The following ZNF836 variants were observed in gnomAD, a reference collection of about 807,000 sequenced individuals.
ZNF836 encodes zinc finger protein 836.
ZNF836 carries 12 observed loss-of-function variants against 7.4 expected under a neutral mutation model. That is an observed-to-expected ratio of 1.61 (90% CI 1.03 to 2.61). The LOEUF (loss-of-function observed/expected upper bound fraction) is 2.61, where lower values mean the gene tolerates loss of function less well. Among genes scored for constraint, ZNF836 ranks in the 30% most tolerant of loss-of-function variants. ZNF836 has a pLI of 0.00. For synonymous variants in ZNF836, 365 were observed against 382.6 expected (o/e 0.95, Z 0.54); for missense variants, 998 against 1,126.2 (o/e 0.89, Z 1.63).
chr19:52,171,119 T>A (rs2089304363), intron 1 of ZNF836: 1 of 152,280 alleles, frequency 6.6e-6, no homozygotes, highest in South Asian at 2.1e-4. Flanking sequence ...CTCCAGGGGC[T>A]GACGACGGAG....
chr19:52,161,178 G>T lies in ZNF836; in HGVS notation c.16-587C>A, dbSNP rs961137557. Among the ~76,000 whole-genome samples, 5 of 152,182 alleles carry T rather than the reference G, an allele frequency of 3.3e-5. No individual in the cohort carries two copies. In the East Asian group the frequency reaches 9.6e-4, roughly 29 times the overall value. ...TCACCTAGGTCAACAACCTGAAAATGGCAGAGCAGGCATCTAAATCCAGAT... is the reference window on the plus strand; with the variant it reads ...TCACCTAGGTCAACAACCTGAAAATTGCAGAGCAGGCATCTAAATCCAGAT... On this transcript the variant is annotated intron_variant, in intron 3 of 4. Transcript: ENST00000682614. The surrounding 1 kb of genome is among the most constrained non-coding windows in gnomAD (Gnocchi z 4.1).
In ZNF836 at chr19:52,156,485, TG is replaced by T. The variant is rs766063495; in HGVS notation, c.1197del (p.Asn400ThrfsTer35). 1.2e-6 allele frequency: 2 copies of T among 1,614,032 alleles called. No individual in the cohort carries two copies. Among genetic ancestry groups the T allele is most frequent in the African/African-American group, 2.7e-5 (2 of 74,916 alleles). ...TGAACTGTCTGATGAGTTGCCAGGT[TG>T]GAACTTTGACTAAAGGACTTTCCAC... ...NICGKSFSQS[S>X]NLATHQTVHS... is the part of the protein sequence containing the mutation. On this transcript the variant is annotated frameshift_variant, in exon 5 of 5. Coordinates refer to ENST00000682614, the MANE Select transcript of ZNF836 (RefSeq NM_001102657.3). LOFTEE classifies it low-confidence loss of function (END_TRUNC).
In ZNF836 at chr19:52,155,697, T is replaced by G. The variant is rs748134071; in HGVS notation, c.1986A>C (p.Gly662=). The change falls in exon 5 of 5, where the codon GGA becomes GGC. Residue 662 remains glycine, a synonymous_variant. Transcript: ENST00000682614. ...AATCATTACATTTGTAAGGTTTCTC[T>G]CCGGTATGAATTTTCCGATGACGTG... ...CLARHRKIHT[G]EKPYKCNDCG... 1.6e-5 allele frequency: 26 copies of G among 1,614,032 alleles called. No individual in the cohort carries two copies. The highest frequency in any genetic ancestry group is 1.6e-4 in the Middle Eastern group (1 of 6,084).
At position 52,157,108 on chromosome 19, in the gene ZNF836, G is replaced by GAAA. The variant is rs758490448; in HGVS notation, c.572_574dup (p.Ile191_Ser192insPhe). The GAAA allele has an allele frequency of 6.8e-6, 11 of 1,613,850 alleles. No individual in the cohort carries two copies. Among genetic ancestry groups the GAAA allele is most frequent in the Non-Finnish European group, 9.3e-6 (11 of 1,179,852 alleles). On this transcript the variant is annotated inframe_insertion, in exon 5 of 5. Coordinates refer to ENST00000682614, the MANE Select transcript of ZNF836 (RefSeq NM_001102657.3). The stretch of plus-strand genomic sequence containing the variant: ...CAAAAACTCATTCTCATATTTTTTA[G>GAAA]AAATGTTGGTTTGGACACTAGGAAG...
At chr19:52,160,749 G>C in intron 3 of ZNF836, 158 bp from the exon 4 acceptor site, 1 of 865,752 alleles carries the variant, frequency 1.2e-6, no homozygotes, top group Non-Finnish European at 1.7e-6. Context: ...ATTTAAGTTT[G>C]TTTTAAAATT....
chr19:52,159,417 C>G (rs1444864580), intron 4 of ZNF836, among the ~76,000 whole-genome samples: 1 of 152,276 alleles, frequency 6.6e-6, no homozygotes, highest in East Asian at 1.9e-4. Context: ...AGACATGAAC[C>G]TGGGTTTCCG....
intron 4 of ZNF836, 95 bp downstream of exon 4, chr19:52,160,370 A>C: frequency 6.6e-7 from 1 of 1,504,570 alleles, no homozygotes; most frequent in Non-Finnish European, 9.2e-7. Context: ...CTTCAGTCTC[A>C]GTCAAATAAT....
chr19:52,154,995 GC>G lies in ZNF836; in HGVS notation c.2687del (p.Gly896AlafsTer32). 1.2e-6 allele frequency: 2 copies of G among 1,613,014 alleles called. No individual in the cohort carries two copies. Among genetic ancestry groups the G allele is most frequent in the Non-Finnish European group, 1.7e-6 (2 of 1,179,352 alleles). On this transcript the variant is annotated frameshift_variant, in exon 5 of 5. Transcript: ENST00000682614. LOFTEE classifies it low-confidence loss of function (END_TRUNC). ...GGCCTGAGCGACTAATGAAAGATTT[GC>G]CACACTCATTACATTTATAAGGTTT... ...GEKPYKCNEC[G>X]KSFISRSGLT...
chr19:52,155,701 G>T lies in ZNF836; in HGVS notation c.1982C>A (p.Thr661Asn), dbSNP rs1351938066. The T allele has an allele frequency of 6.2e-7, 1 of 1,614,176 alleles. No homozygotes were observed. The highest frequency in any genetic ancestry group is 1.1e-5 in the South Asian group (1 of 91,084). ...SCLARHRKIH[T>N]GEKPYKCNDC... ...ATTACATTTGTAAGGTTTCTCTCCG[G>T]TATGAATTTTCCGATGACGTGCTAG... The change falls in exon 5 of 5, where the codon ACC (threonine) becomes AAC (asparagine). Residue 661 changes from threonine (T) to asparagine (N), a missense_variant. Transcript: ENST00000682614.
chr19:52,155,584 C>T lies in ZNF836; in HGVS notation c.2099G>A (p.Gly700Glu), dbSNP rs575174249. Residue 700 changes from glycine to glutamate, a missense_variant, in exon 5 of 5, where the codon GGA becomes GAA. Physicochemically the swap from Gly to Glu is moderately conservative, Grantham distance 98. Coordinates refer to ENST00000682614, the MANE Select transcript of ZNF836 (RefSeq NM_001102657.3). ...TTTTGAACTTTGGATAAATGCCCCT[C>T]CAAACTCATTACAATTGTAAGGTTT... ...GEKPYNCNEFGGAFIQSSKLA... is the reference protein window; with the variant it reads ...GEKPYNCNEFEGAFIQSSKLA... 6.2e-7 allele frequency: 1 copy of T among 1,613,968 alleles called. No individual in the cohort carries two copies. Among genetic ancestry groups the T allele is most frequent in the African/African-American group, 1.3e-5 (1 of 75,042 alleles).
Position 52,157,541 on chromosome 19 carries a change from C to G in ZNF836, c.143-1G>C. ...TTGGTCATACATTTAGGAAGGATAC[C>G]TACAAAATATAATGAACATGGGAGT... On this transcript the variant is annotated splice_acceptor_variant, in intron 4 of 4. Transcript: ENST00000682614. LOFTEE classifies it high-confidence loss of function. The G allele has an allele frequency of 6.7e-7, 1 of 1,491,652 alleles. No homozygotes were observed. The highest frequency in any genetic ancestry group is 8.9e-7 in the Non-Finnish European group (1 of 1,125,392). 92.4% of individuals were successfully genotyped at this position (1,491,652 alleles called of 1,614,324 possible).
At chr19:52,170,933 G>GC (rs984675844) in intron 1 of ZNF836, among the ~76,000 whole-genome samples, 1 of 152,190 alleles carries the variant, frequency 6.6e-6, no homozygotes, top group South Asian at 2.1e-4. Context: ...CTCCCCCAAG[G>GC]GGGGGATCGA....
Position 52,157,257 on chromosome 19 carries a change from T to A in ZNF836, c.426A>T (p.Thr142=). The change falls in exon 5 of 5, where the codon ACA becomes ACT. Residue 142 remains threonine, a synonymous_variant. Transcript: ENST00000682614. ...VENKCIENQL[T]LSFQSRLTEL... is the part of the protein sequence containing the mutation. ...CAGTCAGACGTGACTGAAAGCTTAA[T>A]GTAAGCTGATTTTCAATACATTTGT... The A allele has an allele frequency of 6.2e-7, 1 of 1,606,750 alleles. No homozygotes were observed.
In ZNF836 at chr19:52,160,521, T is replaced by C; in HGVS notation, c.86A>G (p.Gln29Arg). Residue 29 changes from glutamine to arginine, a missense_variant, in exon 4 of 5, where the codon CAG becomes CGG. Physicochemically the swap from Gln to Arg is conservative, Grantham distance 43. Coordinates refer to ENST00000682614, the MANE Select transcript of ZNF836 (RefSeq NM_001102657.3). ...CATCACATCCCAGTACAAAGCTTTCTGCACAGGGTCCAGGGATTTCCACTC... is the reference window on the plus strand; with the variant it reads ...CATCACATCCCAGTACAAAGCTTTCCGCACAGGGTCCAGGGATTTCCACTC... ...QEEWKSLDPV[Q>R]KALYWDVMLE... 1.2e-6 allele frequency: 2 copies of C among 1,614,158 alleles called. No homozygotes were observed. The highest frequency in any genetic ancestry group is 2.2e-5 in the East Asian group (1 of 44,868).
chr19:52,155,494 G>A lies in ZNF836; in HGVS notation c.2189C>T (p.Thr730Ile), dbSNP rs1384302380. The A allele has an allele frequency of 1.2e-6, 2 of 1,613,948 alleles. No homozygotes were observed. The highest frequency in any genetic ancestry group is 1.7e-6 in the Non-Finnish European group (2 of 1,179,886). ...KPHKCSHCGR[T>I]FSHITGLTYH... Reference sequence around the variant, plus strand: ...CGTCAGGCCTGTTATATGACTAAAAGTTCTACCACAATGGCTACATTTGTG... The same window carrying A: ...CGTCAGGCCTGTTATATGACTAAAAATTCTACCACAATGGCTACATTTGTG... The change falls in exon 5 of 5, where the codon ACT becomes ATT. Residue 730 changes from threonine to isoleucine, a missense_variant. Physicochemically the swap from Thr to Ile is moderately conservative, Grantham distance 89 (BLOSUM62 -1). Coordinates refer to ENST00000682614, the MANE Select transcript of ZNF836 (RefSeq NM_001102657.3).
intron 1 of ZNF836, 33 bp downstream of exon 1, chr19:52,171,303 T>G (rs2089306081): frequency 6.6e-6 from 1 of 152,384 alleles, no homozygotes; most frequent in Non-Finnish European, 1.5e-5. Flanking sequence ...AGAGAGATTT[T>G]TAAACCGAAA....
Position 52,156,939 on chromosome 19 carries a change from G to A in ZNF836, c.744C>T (p.Cys248=). Reference sequence around the variant, plus strand: ...GATGAAAGGCTTTGCCACATTCATTGCATTTGTAAGGTTTCTCTGTAGTAT... The same window carrying A: ...GATGAAAGGCTTTGCCACATTCATTACATTTGTAAGGTTTCTCTGTAGTAT... The part of the protein sequence containing the change: ...MVHTTEKPYK[C]NECGKAFHRG... The change falls in exon 5 of 5, where the codon TGC becomes TGT. Residue 248 remains cysteine, a synonymous_variant. Coordinates refer to ENST00000682614, the MANE Select transcript of ZNF836 (RefSeq NM_001102657.3). 1.2e-6 allele frequency: 2 copies of A among 1,614,100 alleles called. No homozygotes were observed. The highest frequency in any genetic ancestry group is 1.7e-6 in the Non-Finnish European group (2 of 1,180,014).
At chr19:52,170,584 T>C (rs534877530) in intron 1 of ZNF836, among the ~76,000 whole-genome samples, 34 of 152,118 alleles carry the variant, frequency 2.2e-4, no homozygotes, top group African/African-American at 7.0e-4. Flanking sequence ...TTTTGCTGCC[T>C]TTCATCTCTC....
intron 3 of ZNF836, among the ~76,000 whole-genome samples, chr19:52,162,436 T>C (rs2089220743): frequency 6.6e-6 from 1 of 152,254 alleles, no homozygotes; most frequent in Admixed American, 6.5e-5. Flanking sequence ...TCTCATGCCC[T>C]CTGCACACTT....
Sources: gnomAD v4.1 joint callset for allele counts (sites outside exome capture counted in the v4.1 genomes callset) on GRCh38, gnomAD v4.1.1 for gene constraint, Gnocchi (gnomAD v3.1) non-coding constraint, MANE v1.5 for transcripts, NCBI Gene and HGNC (gene_info 2026-07-23, HGNC 2026-07-21) for gene names.